IGSF11: variants seen among roughly 807,000 people sequenced by gnomAD.
IGSF11 encodes the protein CXADR like 1.
A neutral mutation model predicts 41.0 loss-of-function variants in IGSF11; 22 were observed. That is an observed-to-expected ratio of 0.54 (90% CI 0.38 to 0.77). IGSF11 has a LOEUF of 0.77. IGSF11 is among the 30% of genes least tolerant of loss of function. The pLI is 0.00. For missense variants in IGSF11, 444 were observed against 530.8 expected, an observed-to-expected ratio of 0.84 and a Z score of 1.61; for synonymous variants, 219 against 201.3, an observed-to-expected ratio of 1.09 and a Z score of -0.74.
At chr3:119,110,021 A>C (rs1466002528), upstream of IGSF11, among the ~76,000 whole-genome samples, 1 of 152,078 alleles carries the variant, frequency 6.6e-6, no homozygotes, top group Non-Finnish European at 1.5e-5. Context: ...TATGTGGTCA[A>C]TTTTGGAATA....
At chr3:118,966,420 G>A (rs1945679390) in intron 1 of IGSF11, among the ~76,000 whole-genome samples, 1 of 152,146 alleles carries the variant, frequency 6.6e-6, no homozygotes, top group Admixed American at 6.6e-5. Context: ...CTACACGACA[G>A]CACCTTTACA....
intron 1 of IGSF11, among the ~76,000 whole-genome samples, chr3:119,021,966 C>T (rs1022794880): frequency 6.6e-6 from 1 of 151,992 alleles, no homozygotes; most frequent in African/African-American, 2.4e-5. Context: ...TTTTTTAAAC[C>T]CACTGAAACC....
rs1481504388 is a variant in IGSF11, at chr3:118,930,427, G to C, written c.53-152C>G. ...TCTTAACAACTGCTGACCAGTCACT[G>C]AGTCAAAATAATAAAAATGGTTCAT... On this transcript the variant is annotated intron_variant, in intron 1 of 6. Transcript: ENST00000393775. The C allele has an allele frequency of 4.6e-6, 3 of 649,802 alleles. No individual in the cohort carries two copies. In the African/African-American group the frequency reaches 5.6e-5, roughly 12 times the overall value. 40.3% of individuals were successfully genotyped at this position (649,802 alleles called of 1,614,324 possible).
At chr3:119,034,852 A>G, upstream of IGSF11, 1 of 1,217,202 alleles carries the variant, frequency 8.2e-7, no homozygotes, top group Non-Finnish European at 1.0e-6. Context: ...GGACTAGCCG[A>G]CCCCTCGCGC....
At chr3:119,051,928 G>A (rs941532409) in intron 1 of IGSF11, among the ~76,000 whole-genome samples, 2 of 152,022 alleles carry the variant, frequency 1.3e-5, no homozygotes, top group Non-Finnish European at 2.9e-5. Flanking sequence ...TCTTTGAACT[G>A]AACAATAATA....
intron 1 of IGSF11, among the ~76,000 whole-genome samples, chr3:119,007,303 T>C (rs997650687): frequency 7.1e-6 from 1 of 139,960 alleles, no homozygotes; most frequent in Non-Finnish European, 1.5e-5. Context: ...GGTGAGGCAA[T>C]GCCTCGCCCT....
At chr3:119,120,631 G>A (rs183421673) in intron 1 of IGSF11, among the ~76,000 whole-genome samples, 110 of 152,310 alleles carry the variant, frequency 7.2e-4, no homozygotes, top group Admixed American at 3.9e-3. Flanking sequence ...TACATAGCCC[G>A]TGAAAAGATT....
chr3:119,049,554 G>A (rs368056617), intron 1 of IGSF11, among the ~76,000 whole-genome samples: 20 of 151,240 alleles, frequency 1.3e-4, no homozygotes, highest in South Asian at 2.1e-4. Context: ...AATCAATATC[G>A]TGAAAATGGC....
At chr3:119,097,816 G>C (rs1280596756) in intron 1 of IGSF11, among the ~76,000 whole-genome samples, 2 of 151,804 alleles carry the variant, frequency 1.3e-5, no homozygotes, top group African/African-American at 4.8e-5. Flanking sequence ...TTTGAGACAA[G>C]GTCTTGCTCT....
chr3:119,044,457 A>G (rs1201896883), intron 1 of IGSF11, among the ~76,000 whole-genome samples: 1 of 152,100 alleles, frequency 6.6e-6, no homozygotes, highest in Non-Finnish European at 1.5e-5. Context: ...TTCCTGAGGA[A>G]GAGAAATCTA....
chr3:118,936,366 G>A (rs1943276347), intron 1 of IGSF11, among the ~76,000 whole-genome samples: 1 of 151,986 alleles, frequency 6.6e-6, no homozygotes, highest in South Asian at 2.1e-4. Context: ...AATTAGCCAG[G>A]CGTGGTGGCA....
chr3:118,948,829 G>T (rs556207559), intron 1 of IGSF11, among the ~76,000 whole-genome samples: 59 of 151,916 alleles, frequency 3.9e-4, no homozygotes, highest in Non-Finnish European at 7.4e-4. Flanking sequence ...AAAAATAGCC[G>T]GGCATGGTGG....
At chr3:119,067,155 A>G (rs138462283) in intron 1 of IGSF11, among the ~76,000 whole-genome samples, 1,943 of 152,296 alleles carry the variant, frequency 0.013, 26 homozygotes, top group Non-Finnish European at 0.021. Context: ...CAAAGCTCCA[A>G]GTAATGTTAT....
chr3:119,140,108 C>A (rs1260074728), intron 1 of IGSF11, among the ~76,000 whole-genome samples: 2 of 151,876 alleles, frequency 1.3e-5, no homozygotes, highest in Non-Finnish European at 2.9e-5. Context: ...AAATATATGA[C>A]ATATATAAAA....
chr3:119,029,933 C>A (rs753198787), intron 1 of IGSF11, among the ~76,000 whole-genome samples: 5 of 152,334 alleles, frequency 3.3e-5, no homozygotes, highest in South Asian at 4.1e-4. Flanking sequence ...TCCCACAAAT[C>A]TATTACACTT....
intron 1 of IGSF11, among the ~76,000 whole-genome samples, chr3:118,961,493 CACATTAACAAAAAGA>C (rs1945330150): frequency 6.6e-6 from 1 of 152,098 alleles, no homozygotes; most frequent in African/African-American, 2.4e-5. Flanking sequence ...TTAAAATGTT[CACATTAACAAAAAGA>C]AAAGTCTCAA....
intron 1 of IGSF11, among the ~76,000 whole-genome samples, chr3:119,016,059 G>T (rs762596210): frequency 1.3e-5 from 2 of 152,236 alleles, no homozygotes; most frequent in Non-Finnish European, 2.9e-5. Flanking sequence ...CAGGCAGAAA[G>T]GCTGAGCTAG....
chr3:119,004,573 C>T (rs1270364795), intron 1 of IGSF11, among the ~76,000 whole-genome samples: 1 of 141,346 alleles, frequency 7.1e-6, no homozygotes, highest in Non-Finnish European at 1.5e-5. Context: ...AATTTTGGAT[C>T]TTTCCTGCTT....
chr3:119,125,067 C>A (rs1343816334), intron 1 of IGSF11, among the ~76,000 whole-genome samples: 2 of 152,304 alleles, frequency 1.3e-5, no homozygotes, highest in African/African-American at 4.8e-5. Context: ...GCAAAAATGT[C>A]TTTCAAACAT....
Sources: gnomAD v4.1 joint callset for allele counts (sites outside exome capture counted in the v4.1 genomes callset) on GRCh38, gnomAD v4.1.1 for gene constraint, MANE v1.5 for transcripts, NCBI Gene and HGNC (gene_info 2026-07-23, HGNC 2026-07-21) for gene names.